CAP1: variants seen among roughly 807,000 people sequenced by gnomAD.
CAP1 encodes the protein cyclase associated actin cytoskeleton regulatory protein 1, also known as adenylyl cyclase-associated protein 1.
CAP1 carries 11 observed loss-of-function variants against 58.2 expected under a neutral mutation model. The ratio of observed to expected loss-of-function variants is 0.19; its 90% CI spans 0.12 to 0.31. The LOEUF is 0.31. Among genes scored for constraint, CAP1 ranks in the 10% least tolerant of loss-of-function variants. The probability of loss-of-function intolerance (pLI) is 1.00; values close to 1 mark genes in which losing one functional copy is unlikely to be tolerated. For missense variants in CAP1, 423 were observed against 587.5 expected, an observed-to-expected ratio of 0.72 and a Z score of 2.89; for synonymous variants, 183 against 213.8, an observed-to-expected ratio of 0.86 and a Z score of 1.26.
intron 7 of CAP1, among the ~76,000 whole-genome samples, chr1:40,067,101 G>A (rs778858442): frequency 6.6e-6 from 1 of 152,172 alleles, no homozygotes; most frequent in African/African-American, 2.4e-5. Context: ...TGATAAGGTC[G>A]AAGAAGTTGG....
Position 40,069,732 on chromosome 1 carries a change from C to T in CAP1, c.851C>T (p.Pro284Leu). 1 of 1,613,836 alleles carries T rather than the reference C, an allele frequency of 6.2e-7. No homozygotes were observed. Among genetic ancestry groups the T allele is most frequent in the Admixed American group, 1.7e-5 (1 of 59,982 alleles). ...VSDDMKTHKN[P>L]ALKAQSGPVR... is the part of the protein sequence containing the mutation. The stretch of plus-strand genomic sequence containing the variant: ...GATGACATGAAGACTCACAAGAACC[C>T]TGCCCTGAAGGCTCAGAGTGGTCCA... The change falls in exon 9 of 13, where the codon CCT (proline) becomes CTT (leucine). Residue 284 changes from proline to leucine, a missense_variant. By Grantham distance (98) the Pro-to-Leu change is moderately conservative (BLOSUM62 -3). Transcript: ENST00000372805.
chr1:40,066,662 T>G (rs898972316), intron 7 of CAP1, among the ~76,000 whole-genome samples: 10 of 152,060 alleles, frequency 6.6e-5, no homozygotes, highest in African/African-American at 2.2e-4. Flanking sequence ...CCAAGCCAAA[T>G]GCTATAATAA....
rs541497500 is a variant in CAP1 at position 40,050,554 on chromosome 1, G to A, written c.-10-8783G>A. Among the ~76,000 whole-genome samples the A allele has an allele frequency of 6.6e-5, 10 of 151,890 alleles. No individual in the cohort carries two copies. In the East Asian group the frequency reaches 1.8e-3, roughly 27 times the overall value. Reference sequence around the variant, plus strand: ...CATGCCTGTAGTTCCAGCTACTCGGGAGGCTGAGGCAGGAGAATCGCTTGA... The same window carrying A: ...CATGCCTGTAGTTCCAGCTACTCGGAAGGCTGAGGCAGGAGAATCGCTTGA... On this transcript the variant is annotated intron_variant, in intron 1 of 12. Coordinates refer to ENST00000372805, the MANE Select transcript of CAP1 (RefSeq NM_006367.4).
intron 1 of CAP1, among the ~76,000 whole-genome samples, chr1:40,056,953 G>A (rs534546662): frequency 2.0e-5 from 3 of 151,878 alleles, no homozygotes; most frequent in South Asian, 4.2e-4. Context: ...ATGGTAGAAT[G>A]AGATTAGCTA....
In CAP1 at chr1:40,070,773, TCC is replaced by T. The variant is rs1647790687; in HGVS notation, c.1201-62_1201-61del. ...GAGTCACGTGAAACAGGAAACCTTT[TCC>T]TGCGACTTACTGTTGTCCTTCCCAA... On this transcript the variant is annotated intron_variant, in intron 11 of 12. Transcript: ENST00000372805. 10 of 1,467,492 alleles carry T rather than the reference TCC, an allele frequency of 6.8e-6. No individual in the cohort carries two copies. In the South Asian group the frequency reaches 1.1e-4, roughly 16 times the overall value. 90.9% of individuals were successfully genotyped at this position (1,467,492 alleles called of 1,614,324 possible).
At chr1:40,048,476 A>G (rs1646207925) in intron 1 of CAP1, among the ~76,000 whole-genome samples, 1 of 152,236 alleles carries the variant, frequency 6.6e-6, no homozygotes, top group African/African-American at 2.4e-5. Context: ...ACTTTGTGAC[A>G]TGTTAAAACC....
chr1:40,051,255 T>C (rs530566019), intron 1 of CAP1, among the ~76,000 whole-genome samples: 45 of 152,290 alleles, frequency 3.0e-4, no homozygotes, highest in Non-Finnish European at 5.3e-4. Flanking sequence ...ATAATAAAAC[T>C]TTTAAAAATA....
intron 1 of CAP1, among the ~76,000 whole-genome samples, chr1:40,057,213 T>C (rs1436217858): frequency 6.6e-6 from 1 of 152,204 alleles, no homozygotes; most frequent in Non-Finnish European, 1.5e-5. Flanking sequence ...TGAAGGAACA[T>C]GTTTTAATAA....
chr1:40,070,388 C>G (rs760313957), intron 10 of CAP1, 42 bp from the exon 11 acceptor site: 1 of 1,467,044 alleles, frequency 6.8e-7, no homozygotes, highest in Non-Finnish European at 9.0e-7. Flanking sequence ...ATATTACTTT[C>G]CTTTAAAGTT....
chr1:40,052,566 A>G (rs1646423887), intron 1 of CAP1, among the ~76,000 whole-genome samples: 1 of 152,016 alleles, frequency 6.6e-6, no homozygotes, highest in Non-Finnish European at 1.5e-5. Context: ...TTATTTATTT[A>G]TTTAAATAAA....
intron 1 of CAP1, chr1:40,041,550 G>C (rs3131686): frequency 6.6e-6 from 1 of 152,156 alleles, no homozygotes; most frequent in East Asian, 1.9e-4. Flanking sequence ...CCTCAGTGCT[G>C]AGTGTCTGTG....
chr1:40,070,132 G>A (rs1309963725), intron 9 of CAP1, 27 bp from the exon 10 acceptor site: 2 of 1,613,182 alleles, frequency 1.2e-6, no homozygotes, highest in Non-Finnish European at 1.7e-6. Flanking sequence ...GCTTTGTGAT[G>A]AGAATCCTGG....
intron 1 of CAP1, among the ~76,000 whole-genome samples, chr1:40,041,992 C>T (rs928724678): frequency 1.2e-4 from 19 of 152,156 alleles, no homozygotes; most frequent in Non-Finnish European, 7.3e-5. Flanking sequence ...AAGAGAAAAT[C>T]CGGGGGCATA....
chr1:40,044,705 C>T lies in CAP1; in HGVS notation c.-11+3904C>T, dbSNP rs569806823. Among the ~76,000 whole-genome samples, 283 of 151,572 alleles carry T rather than the reference C, an allele frequency of 1.9e-3. 1 individual carries two copies. The highest frequency in any genetic ancestry group is 6.6e-3 in the African/African-American group (271 of 41,304). ...GTCGTGAACTAGCATTTTACTTAACCTTTTGCACCTCCCTATGCTCCTTAT... is the reference window on the plus strand; with the variant it reads ...GTCGTGAACTAGCATTTTACTTAACTTTTTGCACCTCCCTATGCTCCTTAT... On this transcript the variant is annotated intron_variant, in intron 1 of 12. Transcript: ENST00000372805.
At chr1:40,058,708 T>C (rs1646718743) in intron 1 of CAP1, among the ~76,000 whole-genome samples, 1 of 151,776 alleles carries the variant, frequency 6.6e-6, no homozygotes, top group Admixed American at 6.6e-5. Flanking sequence ...GGTGACATTG[T>C]AAGACTTTGT....
At chr1:40,044,377 G>A (rs901356089) in intron 1 of CAP1, among the ~76,000 whole-genome samples, 2 of 152,118 alleles carry the variant, frequency 1.3e-5, no homozygotes, top group African/African-American at 4.8e-5. Flanking sequence ...AAATATGAGA[G>A]TTCTCGAGCG....
At chr1:40,047,063 G>T (rs548900231) in intron 1 of CAP1, among the ~76,000 whole-genome samples, 1 of 137,140 alleles carries the variant, frequency 7.3e-6, no homozygotes, top group South Asian at 2.4e-4. Flanking sequence ...GAGCCATCGC[G>T]CCCGGCCACA....
intron 6 of CAP1, among the ~76,000 whole-genome samples, chr1:40,065,237 A>G (rs1186150166): frequency 2.0e-5 from 3 of 152,228 alleles, no homozygotes; most frequent in Non-Finnish European, 2.9e-5. Context: ...TTTTTCATGA[A>G]GTCAGTTAAA....
At chr1:40,057,416 C>T (rs1646663108) in intron 1 of CAP1, 1 of 152,142 alleles carries the variant, frequency 6.6e-6, no homozygotes, top group South Asian at 2.1e-4. Flanking sequence ...AGTATGTTGA[C>T]TGCTTATGGT....
Sources: allele counts gnomAD v4.1 joint callset (sites outside exome capture counted in the v4.1 genomes callset), GRCh38; gene constraint gnomAD v4.1.1; transcripts MANE v1.5; gene names NCBI Gene and HGNC (gene_info 2026-07-23, HGNC 2026-07-21).